Variants in HAS1 observed in about 807,000 individuals in gnomAD.
The protein encoded by HAS1 is HA synthase 1.
HAS1 carries 27 observed loss-of-function variants against 35.0 expected under a neutral mutation model. The ratio of observed to expected loss-of-function variants is 0.77; its 90% CI spans 0.57 to 1.06. HAS1 has a LOEUF of 1.06. Ranked by LOEUF, HAS1 falls within the 50% of genes least tolerant of loss-of-function variation. The pLI is 0.00. For synonymous variants in HAS1, 409 were observed against 371.2 expected, an observed-to-expected ratio of 1.10 and a Z score of -1.17; for missense variants, 940 against 814.8, an observed-to-expected ratio of 1.15 and a Z score of -1.87.
At position 51,713,770 on chromosome 19, in the gene HAS1, G is replaced by A. The variant is rs771434906; in HGVS notation, c.1391C>T (p.Ala464Val). ...CAGGAGGCCACACATGTAGAGGGGC[G>A]CGTAGAGCGACAGAAGCACCATGCG... is the stretch of plus-strand genomic sequence containing the variant. The part of the protein sequence containing the change: ...CLRMVLLSLY[A>V]PLYMCGLLPA... The change falls in exon 5 of 5, where the codon GCG (alanine) becomes GTG (valine). Residue 464 changes from alanine (A) to valine (V), a missense_variant. Physicochemically the swap from Ala to Val is moderately conservative, Grantham distance 64. Coordinates refer to ENST00000540069, the MANE Select transcript of HAS1 (RefSeq NM_001297436.2). This position sits in a 1 kb window ranked among gnomAD's most constrained non-coding sequence, Gnocchi z 4.5. 2 of 1,604,464 alleles carry A rather than the reference G, an allele frequency of 1.2e-6. No individual in the cohort carries two copies. The highest frequency in any genetic ancestry group is 8.5e-7 in the Non-Finnish European group (1 of 1,175,886).
At chr19:51,718,982 T>C (rs1388402812) in intron 2 of HAS1, among the ~76,000 whole-genome samples, 1 of 152,066 alleles carries the variant, frequency 6.6e-6, no homozygotes, top group Non-Finnish European at 1.5e-5. Context: ...GCCTCTACAT[T>C]GAATGGGTAA....
chr19:51,723,952 GCTCTCTCTT>G lies in HAS1; in HGVS notation c.-28_-20del. 6.5e-7 allele frequency: 1 copy of G among 1,537,290 alleles called. No individual in the cohort carries two copies. Among genetic ancestry groups the G allele is most frequent in the Non-Finnish European group, 8.7e-7 (1 of 1,145,936 alleles). Reference sequence around the variant, plus strand: ...GTCTCATCGCAGTGGGTCTGGCCGGGCTCTCTCTTCTCTCCGGCTTGCTCTCCCAGCCTC... The same window carrying G: ...GTCTCATCGCAGTGGGTCTGGCCGGGCTCTCCGGCTTGCTCTCCCAGCCTC... On this transcript the variant is annotated 5_prime_UTR_variant, in exon 1 of 5. Coordinates refer to ENST00000540069, the MANE Select transcript of HAS1 (RefSeq NM_001297436.2).
At chr19:51,716,227 T>C (rs2083585126) in intron 4 of HAS1, 29 bp downstream of exon 4, 4 of 1,600,304 alleles carry the variant, frequency 2.5e-6, no homozygotes, top group African/African-American at 1.3e-5. Flanking sequence ...CCTCCACACA[T>C]ACCCGACCAC....
At chr19:51,714,237 T>C (rs1035590257) in intron 4 of HAS1, 135 bp from the exon 5 acceptor site, 6 of 1,381,716 alleles carry the variant, frequency 4.3e-6, no homozygotes, top group African/African-American at 1.4e-5. Context: ...AGTGTTCTCA[T>C]GTGTAGAATA....
chr19:51,717,227 C>T, intron 2 of HAS1, 34 bp from the exon 3 acceptor site: 1 of 1,426,974 alleles, frequency 7.0e-7, no homozygotes, highest in Non-Finnish European at 9.8e-7. Flanking sequence ...TCAGCACAGA[C>T]CCCTGCATCA....
chr19:51,723,888 C>CACACAT (rs1728230961), intron 1 of HAS1, 37 bp downstream of exon 1: 1 of 1,161,602 alleles, frequency 8.6e-7, no homozygotes, highest in African/African-American at 1.6e-5. Flanking sequence ...GCTGTATACA[C>CACACAT]ACACACACAC....
intron 2 of HAS1, 59 bp from the exon 3 acceptor site, chr19:51,717,252 A>G: frequency 4.2e-6 from 5 of 1,197,552 alleles, no homozygotes; most frequent in African/African-American, 1.5e-5. Flanking sequence ...GATGCTTGAG[A>G]GGAAGGCATC....
intron 1 of HAS1, among the ~76,000 whole-genome samples, chr19:51,723,234 G>T (rs1423119438): frequency 6.6e-6 from 1 of 152,026 alleles, no homozygotes; most frequent in Non-Finnish European, 1.5e-5. Context: ...CAAACACAGC[G>T]ATCCCGTGAC....
chr19:51,723,084 G>A (rs1447949156), intron 1 of HAS1, among the ~76,000 whole-genome samples: 2 of 152,138 alleles, frequency 1.3e-5, no homozygotes, highest in Non-Finnish European at 2.9e-5. Flanking sequence ...TCATGCTGGG[G>A]ATCCAGAGAG....
Position 51,719,722 on chromosome 19 carries a change from G to A in HAS1, c.183C>T (p.Phe61=). ...GLLAFGLYGA[F]LSAHLVAQSL... Reference sequence around the variant, plus strand: ...TCTGCGCCACCAGGTGCGCTGAAAGGAAGGCCCCGTAGAGGCCGAAGGCCA... The same window carrying A: ...TCTGCGCCACCAGGTGCGCTGAAAGAAAGGCCCCGTAGAGGCCGAAGGCCA... Residue 61 remains phenylalanine (F), a synonymous_variant, in exon 2 of 5, where the codon TTC becomes TTT. Coordinates refer to ENST00000540069, the MANE Select transcript of HAS1 (RefSeq NM_001297436.2). 2.5e-6 allele frequency: 4 copies of A among 1,569,552 alleles called. No homozygotes were observed. Among genetic ancestry groups the A allele is most frequent in the Non-Finnish European group, 3.4e-6 (4 of 1,163,108 alleles).
chr19:51,721,188 C>T (rs56401095), intron 1 of HAS1, among the ~76,000 whole-genome samples: 17,421 of 152,074 alleles, frequency 0.11, 1,570 homozygotes, highest in East Asian at 0.47. Context: ...CTCTAGCCCT[C>T]GGGAGAGCCC....
intron 3 of HAS1, 97 bp from the exon 4 acceptor site, chr19:51,716,485 C>T: frequency 9.9e-7 from 1 of 1,012,658 alleles, no homozygotes; most frequent in Non-Finnish European, 1.4e-6. Flanking sequence ...CCAGTTCCAA[C>T]CCCATCCTCA....
intron 4 of HAS1, 116 bp from the exon 5 acceptor site, chr19:51,714,218 C>G: frequency 2.0e-6 from 3 of 1,479,578 alleles, no homozygotes; most frequent in Middle Eastern, 1.8e-4. Flanking sequence ...CTTAACCTCT[C>G]TAGGCCTCAG....
chr19:51,721,757 C>T (rs571813170), intron 1 of HAS1, among the ~76,000 whole-genome samples: 156 of 152,170 alleles, frequency 1.0e-3, no homozygotes, highest in Non-Finnish European at 1.8e-3. Context: ...CAGTGCGAGA[C>T]TCCATCTCGA....
rs750030433 is a variant in HAS1 at position 51,719,906 on chromosome 19, C to A, written c.10-11G>T. ...GGGCTTGGGCGCGTCCTGCTGGGAG[C>A]GAGAGGGGAAAGGAAGGGGCATGAG... On this transcript the variant is annotated splice_polypyrimidine_tract_variant and intron_variant, in intron 1 of 4. Transcript: ENST00000540069. 2.6e-6 allele frequency: 4 copies of A among 1,520,442 alleles called. No homozygotes were observed. The highest frequency in any genetic ancestry group is 2.6e-6 in the Non-Finnish European group (3 of 1,136,976). The allele number at this position is 1,520,442 out of a possible 1,614,324, so 94.2% of individuals were successfully genotyped here.
At position 51,719,463 on chromosome 19, in the gene HAS1, G is replaced by A. The variant is rs1599794470; in HGVS notation, c.442C>T (p.Arg148Cys). The A allele has an allele frequency of 6.4e-7, 1 of 1,551,090 alleles. No individual in the cohort carries two copies. The highest frequency in any genetic ancestry group is 1.2e-5 in the South Asian group (1 of 84,226). The change falls in exon 2 of 5, where the codon CGC (arginine) becomes TGC (cysteine). Residue 148 changes from arginine (R) to cysteine (C), a missense_variant. By Grantham distance (180) the Arg-to-Cys change is radical (BLOSUM62 -3). Coordinates refer to ENST00000540069, the MANE Select transcript of HAS1 (RefSeq NM_001297436.2). ...AEDLYMVDMF[R>C]EVFADEDPAT... The stretch of plus-strand genomic sequence containing the variant: ...GGGTCCTCGTCAGCGAAGACCTCGC[G>A]GAACATGTCGACCATGTAGAGGTCC...
Position 51,719,890 on chromosome 19 carries a change from C to G in HAS1, c.15G>C (p.Ala5=), listed in dbSNP as rs1192250369. 1 of 1,534,046 alleles carries G rather than the reference C, an allele frequency of 6.5e-7. No homozygotes were observed. The highest frequency in any genetic ancestry group is 2.0e-5 in the Admixed American group (1 of 50,728). Reference sequence around the variant, plus strand: ...GGCAGGCTGCAGGAGTGGGCTTGGGCGCGTCCTGCTGGGAGCGAGAGGGGA... The same window carrying G: ...GGCAGGCTGCAGGAGTGGGCTTGGGGGCGTCCTGCTGGGAGCGAGAGGGGA... MRQD[A]PKPTPAACRC... is the part of the protein sequence containing the mutation. Residue 5 remains alanine, a synonymous_variant, in exon 2 of 5, where the codon GCG becomes GCC. Coordinates refer to ENST00000540069, the MANE Select transcript of HAS1 (RefSeq NM_001297436.2).
At chr19:51,720,793 G>A (rs2083626619) in intron 1 of HAS1, among the ~76,000 whole-genome samples, 1 of 152,124 alleles carries the variant, frequency 6.6e-6, no homozygotes, top group Admixed American at 6.5e-5. Flanking sequence ...TTTTTTCCAC[G>A]TTTTGAAATC....
At chr19:51,715,941 C>G (rs2083583205) in intron 4 of HAS1, among the ~76,000 whole-genome samples, 1 of 152,208 alleles carries the variant, frequency 6.6e-6, no homozygotes, top group South Asian at 2.1e-4. Context: ...TATCTCAATT[C>G]TAGGTGGAAT....
Sources: allele counts gnomAD v4.1 joint callset (sites outside exome capture counted in the v4.1 genomes callset), GRCh38; gene constraint gnomAD v4.1.1; non-coding constraint Gnocchi (gnomAD v3.1); transcripts MANE v1.5; gene names NCBI Gene and HGNC (gene_info 2026-07-23, HGNC 2026-07-21).